Variants in SLC29A3 observed in about 807,000 individuals in gnomAD.
The protein encoded by SLC29A3 is equilibrative nucleoside transporter 3.
A neutral mutation model predicts 25.4 loss-of-function variants in SLC29A3; 18 were observed. The observed-to-expected ratio is 0.71, with a 90% CI of 0.49 to 1.05. The LOEUF is 1.05. Ranked by LOEUF, SLC29A3 falls within the 50% of genes least tolerant of loss-of-function variation. The pLI, the probability that SLC29A3 is intolerant of heterozygous loss-of-function variation, is 0.00. For missense variants in SLC29A3, 586 were observed against 609.0 expected, an observed-to-expected ratio of 0.96 and a Z score of 0.40; for synonymous variants, 258 against 267.1, an observed-to-expected ratio of 0.97 and a Z score of 0.33.
At chr10:71,319,566 T>C in intron 1 of SLC29A3, 1 of 395,306 alleles carries the variant, frequency 2.5e-6, no homozygotes. Context: ...CCTCACCGCC[T>C]GTATGGTGGG....
At chr10:71,338,404 G>T (rs79264480) in intron 2 of SLC29A3, among the ~76,000 whole-genome samples, 1,634 of 152,304 alleles carry the variant, frequency 0.011, 32 homozygotes, top group African/African-American at 0.036. Context: ...GGATTTGAGA[G>T]AAAAGATTAG....
intron 5 of SLC29A3, among the ~76,000 whole-genome samples, chr10:71,358,304 T>C (rs1423747109): frequency 1.3e-5 from 2 of 152,152 alleles, no homozygotes; most frequent in African/African-American, 2.4e-5. Flanking sequence ...AGAACAGCGA[T>C]TCCCCCTGGG....
intron 2 of SLC29A3, among the ~76,000 whole-genome samples, chr10:71,323,414 T>C (rs1475574718): frequency 6.6e-6 from 1 of 152,278 alleles, no homozygotes. Flanking sequence ...AGGAACCCAG[T>C]TGCTTCACTT....
chr10:71,324,882 G>C (rs2131799394), intron 2 of SLC29A3, among the ~76,000 whole-genome samples: 1 of 152,292 alleles, frequency 6.6e-6, no homozygotes, highest in Non-Finnish European at 1.5e-5. Context: ...TCAGGACTGG[G>C]GGGTCGGGCC....
At chr10:71,356,322 A>G (rs931237772) in intron 5 of SLC29A3, 79 bp downstream of exon 5, 44 of 1,546,338 alleles carry the variant, frequency 2.8e-5, no homozygotes, top group Non-Finnish European at 3.8e-5. Context: ...AGCAGCTTCT[A>G]TGCTGGCTTC....
downstream of SLC29A3, among the ~76,000 whole-genome samples, chr10:71,363,801 C>CTTTT (rs374989127): frequency 6.7e-4 from 10 of 15,028 alleles, no homozygotes; most frequent in South Asian, 1.9e-3. Context: ...TTCTTTTTTT[C>CTTTT]CTTTTTCTTT....
chr10:71,342,672 C>T (rs1846442127), intron 2 of SLC29A3, among the ~76,000 whole-genome samples: 1 of 152,208 alleles, frequency 6.6e-6, no homozygotes, highest in South Asian at 2.1e-4. Context: ...CTCTCTCCTT[C>T]ATTCTACTCA....
chr10:71,367,174 A>G (rs2131856270), downstream of SLC29A3, among the ~76,000 whole-genome samples: 1 of 148,030 alleles, frequency 6.8e-6, no homozygotes, highest in African/African-American at 2.5e-5. Context: ...AGTGTGGAGC[A>G]CAAGGGGAGG....
In SLC29A3 at chr10:71,362,737, C is replaced by T; in HGVS notation, c.*129C>T. ...GACAGAGAGCAGAGCACACTCGGGC[C>T]TCATCCCTCCCAAGATGCCAGTGAG... On this transcript the variant is annotated 3_prime_UTR_variant, in exon 6 of 6. Transcript: ENST00000373189. 2 of 1,251,062 alleles carry T rather than the reference C, an allele frequency of 1.6e-6. No homozygotes were observed. The highest frequency in any genetic ancestry group is 4.8e-5 in the East Asian group (2 of 41,850). The allele number at this position is 1,251,062 out of a possible 1,614,324, so 77.5% of individuals were successfully genotyped here.
intron 5 of SLC29A3, among the ~76,000 whole-genome samples, chr10:71,356,754 A>T (rs932432326): frequency 2.6e-5 from 4 of 152,154 alleles, no homozygotes; most frequent in Non-Finnish European, 5.9e-5. Context: ...TGAGCCCAGG[A>T]GTTGGAGGCT....
At chr10:71,324,189 A>G (rs1196973892) in intron 2 of SLC29A3, among the ~76,000 whole-genome samples, 1 of 152,230 alleles carries the variant, frequency 6.6e-6, no homozygotes, top group Non-Finnish European at 1.5e-5. Context: ...AACATTTCTA[A>G]GAGGAGACGT....
chr10:71,356,453 A>G (rs1029046004), intron 5 of SLC29A3, among the ~76,000 whole-genome samples: 8 of 152,194 alleles, frequency 5.3e-5, no homozygotes, highest in Admixed American at 4.6e-4. Flanking sequence ...CATGGTGAAT[A>G]ATAGTTCACA....
At chr10:71,358,656 G>A (rs1846977930) in intron 5 of SLC29A3, among the ~76,000 whole-genome samples, 2 of 152,234 alleles carry the variant, frequency 1.3e-5, no homozygotes, top group Admixed American at 1.3e-4. Flanking sequence ...TGTGTTGTTT[G>A]CTCGTGTCCT....
At chr10:71,379,548 C>T (rs1847287262) in intron 4 of SLC29A3, among the ~76,000 whole-genome samples, 1 of 152,206 alleles carries the variant, frequency 6.6e-6, no homozygotes, top group South Asian at 2.1e-4. Context: ...CCTGTCCCCA[C>T]CTCGTGAGGG....
intron 2 of SLC29A3, among the ~76,000 whole-genome samples, chr10:71,326,395 A>G (rs894703186): frequency 6.6e-6 from 1 of 152,222 alleles, no homozygotes; most frequent in Non-Finnish European, 1.5e-5. Flanking sequence ...GGATGGGCCC[A>G]TACTTCTAAG....
At chr10:71,361,928 A>G (rs1167255528) in intron 5 of SLC29A3, 26 bp from the exon 6 acceptor site, 6 of 1,613,338 alleles carry the variant, frequency 3.7e-6, no homozygotes, top group East Asian at 4.5e-5. Flanking sequence ...AACCTGCTTG[A>G]TGGTGGCCCT....
intron 4 of SLC29A3, among the ~76,000 whole-genome samples, chr10:71,354,875 T>G (rs1158695490): frequency 1.3e-5 from 2 of 152,166 alleles, no homozygotes; most frequent in Non-Finnish European, 2.9e-5. Flanking sequence ...AGCCCCACTT[T>G]CCAGGCAAAT....
downstream of SLC29A3, among the ~76,000 whole-genome samples, chr10:71,366,797 G>A (rs1847173977): frequency 1.3e-5 from 2 of 152,180 alleles, no homozygotes; most frequent in South Asian, 4.1e-4. Context: ...CATTCCAGTC[G>A]AATGTGAACT....
rs543016261 is a variant in SLC29A3, at chr10:71,322,979, G to A, written c.225G>A (p.Lys75=). ...CATGGAACTTCTTTATCACTGCCAA[G>A]GAGTACTGGATGTTCAAACTCCGCA... is the stretch of plus-strand genomic sequence containing the variant. The part of the protein sequence containing the change: ...LLPWNFFITA[K]EYWMFKLRNS... Residue 75 remains lysine (K), a synonymous_variant, in exon 2 of 6, where the codon AAG becomes AAA. Transcript: ENST00000373189. 7.4e-6 allele frequency: 12 copies of A among 1,614,160 alleles called. No homozygotes were observed. The Admixed American group carries it at 8.3e-5, about 11-fold the overall frequency.
Sources: gnomAD v4.1 joint callset for allele counts (sites outside exome capture counted in the v4.1 genomes callset) on GRCh38, gnomAD v4.1.1 for gene constraint, MANE v1.5 for transcripts, NCBI Gene and HGNC (gene_info 2026-07-23, HGNC 2026-07-21) for gene names.